The following COLEC11 variants were observed in gnomAD, a reference collection of about 807,000 sequenced individuals.
COLEC11 encodes collectin subfamily member 11.
In COLEC11, 20 loss-of-function variants were observed where a neutral mutation model predicts 27.3. That is an observed-to-expected ratio of 0.73 (90% CI 0.51 to 1.06). The LOEUF (loss-of-function observed/expected upper bound fraction) is 1.06. COLEC11 is among the 50% of genes least tolerant of loss of function. The probability of loss-of-function intolerance (pLI) is 0.00; values close to 1 mark genes in which losing one functional copy is unlikely to be tolerated. For missense variants in COLEC11, 310 were observed against 383.0 expected, an observed-to-expected ratio of 0.81 and a Z score of 1.59; for synonymous variants, 163 against 154.7, an observed-to-expected ratio of 1.05 and a Z score of -0.40.
chr2:3,607,907 G>GCTGA (rs1662858072), intron 2 of COLEC11, among the ~76,000 whole-genome samples: 1 of 152,208 alleles, frequency 6.6e-6, no homozygotes, highest in Non-Finnish European at 1.5e-5. Flanking sequence ...AGCCAGGCAG[G>GCTGA]CTGAGGTCCT....
At chr2:3,640,195 T>C in intron 4 of COLEC11, 83 bp from the exon 5 acceptor site, 2 of 870,486 alleles carry the variant, frequency 2.3e-6, no homozygotes. Context: ...GCGAGACAAA[T>C]CACATTTTCA....
At chr2:3,625,972 G>A (rs1664524704) in intron 3 of COLEC11, 1 of 1,540,852 alleles carries the variant, frequency 6.5e-7, no homozygotes, top group Non-Finnish European at 9.0e-7. Context: ...TATCTGAGTT[G>A]TCAGGCAGGG....
chr2:3,596,161 G>A (rs1463637163), intron 1 of COLEC11, among the ~76,000 whole-genome samples: 4 of 152,116 alleles, frequency 2.6e-5, no homozygotes, highest in Non-Finnish European at 4.4e-5. Context: ...GGGAAACACC[G>A]CGGTGGGGCT....
intron 2 of COLEC11, among the ~76,000 whole-genome samples, chr2:3,611,997 G>A (rs1157874858): frequency 2.7e-5 from 4 of 150,170 alleles, no homozygotes; most frequent in Non-Finnish European, 5.9e-5. Flanking sequence ...CTATATATAG[G>A]GTTGTTTTGT....
In COLEC11 at chr2:3,640,293, C is replaced by A; in HGVS notation, c.290C>A (p.Ser97Tyr). Residue 97 changes from serine to tyrosine, a missense_variant, in exon 5 of 7, where the codon TCC (serine) becomes TAC (tyrosine). By Grantham distance (144) the Ser-to-Tyr change is moderately radical (BLOSUM62 -2). Transcript: ENST00000349077. ...PIGSKGEKGD[S>Y]GDIGPPGPNG... ...TTATTTTCAGGTGAGAAAGGAGATT[C>A]CGGTGACATAGGACCCCCTGGTCCT... is the stretch of plus-strand genomic sequence containing the variant. The A allele has an allele frequency of 1.2e-6, 2 of 1,602,224 alleles. No individual in the cohort carries two copies. Among genetic ancestry groups the A allele is most frequent in the Non-Finnish European group, 1.7e-6 (2 of 1,169,240 alleles).
rs143116234 is a variant in COLEC11 at position 3,631,554 on chromosome 2, C to A, written c.203-5979C>A. On this transcript the variant is annotated intron_variant, in intron 3 of 6. Coordinates refer to ENST00000349077, the MANE Select transcript of COLEC11 (RefSeq NM_024027.5). ...GGACCGTGGAAAGGGGTCTGGTGGT[C>A]CAAGCTATGGGTTTAGGGCAGAAGG... 5.0e-3 allele frequency among the ~76,000 whole-genome samples: 767 copies of A among 152,234 alleles called. 12 individuals carry two copies. The highest frequency in any genetic ancestry group is 0.018 in the African/African-American group (727 of 41,526).
intron 2 of COLEC11, chr2:3,605,937 C>T (rs535864825): frequency 4.5e-6 from 4 of 893,960 alleles, no homozygotes; most frequent in Non-Finnish European, 4.9e-6. Context: ...GACTGTCCTG[C>T]AGCCCAGACA....
At chr2:3,608,789 G>A (rs1004111474) in intron 2 of COLEC11, among the ~76,000 whole-genome samples, 2 of 152,264 alleles carry the variant, frequency 1.3e-5, no homozygotes, top group Non-Finnish European at 2.9e-5. Flanking sequence ...GACGGGGACC[G>A]TGGAGAAACC....
chr2:3,621,483 TTTA>T (rs930997381), intron 3 of COLEC11, among the ~76,000 whole-genome samples: 48 of 152,318 alleles, frequency 3.2e-4, no homozygotes, highest in African/African-American at 1.1e-3. Flanking sequence ...TTTATTTATT[TTTA>T]TTAAGCTACT....
chr2:3,598,373 G>A (rs758538567), intron 1 of COLEC11, among the ~76,000 whole-genome samples: 4 of 152,264 alleles, frequency 2.6e-5, no homozygotes, highest in Non-Finnish European at 4.4e-5. Flanking sequence ...ACGAGGAGAA[G>A]AGCAGAAGGC....
In COLEC11 at chr2:3,630,967, C is replaced by T. The variant is rs114619263; in HGVS notation, c.203-6566C>T. On this transcript the variant is annotated intron_variant, in intron 3 of 6. Transcript: ENST00000349077. ...CTTCTGTTACAATTTTGAAGAAATG[C>T]AATACAATACAGGCCCATAATCTCA... Among the ~76,000 whole-genome samples, 768 of 152,268 alleles carry T rather than the reference C, an allele frequency of 5.0e-3. 12 individuals are homozygous for T. The highest frequency in any genetic ancestry group is 0.018 in the African/African-American group (727 of 41,542).
intron 3 of COLEC11, among the ~76,000 whole-genome samples, chr2:3,615,763 AG>A (rs1426949084): frequency 6.7e-6 from 1 of 148,702 alleles, no homozygotes; most frequent in Non-Finnish European, 1.5e-5. Context: ...GGCCGGGCAG[AG>A]GCTCCCCCCA....
chr2:3,641,246 C>G, intron 5 of COLEC11: 1 of 1,304,300 alleles, frequency 7.7e-7, no homozygotes, highest in Non-Finnish European at 1.0e-6. Flanking sequence ...AAAGCTCCTT[C>G]GGCACCGCAG....
chr2:3,614,028 G>A (rs539269905), intron 3 of COLEC11, among the ~76,000 whole-genome samples: 2 of 142,832 alleles, frequency 1.4e-5, no homozygotes, highest in South Asian at 4.4e-4. Context: ...CCAGGCTGGA[G>A]TGCAGTGGCA....
At chr2:3,600,778 T>C (rs1298891511) in intron 1 of COLEC11, among the ~76,000 whole-genome samples, 1 of 152,190 alleles carries the variant, frequency 6.6e-6, no homozygotes, top group Non-Finnish European at 1.5e-5. Context: ...CCTAATGAAC[T>C]AGAAAGTGAA....
Position 3,602,963 on chromosome 2 carries a change from A to G in COLEC11, c.-26-1352A>G, listed in dbSNP as rs1367741180. On this transcript the variant is annotated intron_variant, in intron 1 of 6. Coordinates refer to ENST00000349077, the MANE Select transcript of COLEC11 (RefSeq NM_024027.5). The surrounding 1 kb of genome is among the most constrained non-coding windows in gnomAD (Gnocchi z 6.2). ...TCTGTCTGTCTCTTCCAATAGGAAT[A>G]AAAACATAAATGTTCTTGCTCTACT... Among the ~76,000 whole-genome samples the G allele has an allele frequency of 6.6e-6, 1 of 152,240 alleles. No individual in the cohort carries two copies. The highest frequency in any genetic ancestry group is 2.4e-5 in the African/African-American group (1 of 41,462).
chr2:3,605,250 C>G (rs1451639422), intron 2 of COLEC11, among the ~76,000 whole-genome samples: 8 of 151,468 alleles, frequency 5.3e-5, no homozygotes, highest in Non-Finnish European at 1.2e-4. Context: ...GGGGCTGCAC[C>G]GGCCGCAGCA....
Position 3,603,183 on chromosome 2 carries a change from G to A in COLEC11, c.-26-1132G>A, listed in dbSNP as rs115099081. ...CGGCTCTTTATCAGCTGTGCTCCAG[G>A]GCTGCTGTCCGCACTCTGCCCTTCT... On this transcript the variant is annotated intron_variant, in intron 1 of 6. Coordinates refer to ENST00000349077, the MANE Select transcript of COLEC11 (RefSeq NM_024027.5). 4.5e-3 allele frequency among the ~76,000 whole-genome samples: 692 copies of A among 152,214 alleles called. 1 individual carries two copies. Among genetic ancestry groups the A allele is most frequent in the Middle Eastern group, 0.017 (5 of 294 alleles).
At position 3,637,522 on chromosome 2, in the gene COLEC11, G is replaced by A. The variant is rs750058999; in HGVS notation, c.203-11G>A. The A allele has an allele frequency of 1.8e-5, 29 of 1,613,652 alleles. No homozygotes were observed. The highest frequency in any genetic ancestry group is 2.3e-5 in the Non-Finnish European group (27 of 1,179,690). On this transcript the variant is annotated splice_polypyrimidine_tract_variant and intron_variant, in intron 3 of 6. Transcript: ENST00000349077. ...TGCATCGACCAACTTTGCTCTTATT[G>A]TTTTCTACAGGAGACATGGGGGACA...
Sources: gnomAD v4.1 joint callset for allele counts (sites outside exome capture counted in the v4.1 genomes callset) on GRCh38, gnomAD v4.1.1 for gene constraint, Gnocchi (gnomAD v3.1) non-coding constraint, MANE v1.5 for transcripts, NCBI Gene and HGNC (gene_info 2026-07-23, HGNC 2026-07-21) for gene names.